The following DTNA variants were observed in gnomAD, a reference collection of about 807,000 sequenced individuals.
DTNA encodes the protein dystrophin-related protein 3.
Under a neutral mutation model 100.7 loss-of-function variants are expected in DTNA, and 43 were observed. The ratio of observed to expected loss-of-function variants is 0.43; its 90% confidence interval spans 0.33 to 0.55. The LOEUF is 0.55. Among genes scored for constraint, DTNA ranks in the 20% least tolerant of loss-of-function variants. The pLI is 0.04. For synonymous variants in DTNA, 349 were observed against 347.9 expected, an observed-to-expected ratio of 1.00 and a Z score of -0.04; for missense variants, 798 against 953.9, an observed-to-expected ratio of 0.84 and a Z score of 2.15.
At chr18:34,800,422 A>T (rs532718961) in intron 4 of DTNA, among the ~76,000 whole-genome samples, 1 of 152,316 alleles carries the variant, frequency 6.6e-6, no homozygotes, top group African/African-American at 2.4e-5. Flanking sequence ...GACAATGCTA[A>T]TCAATATTTA....
At chr18:34,549,244 G>A (rs549197063) in intron 1 of DTNA, among the ~76,000 whole-genome samples, 2 of 152,146 alleles carry the variant, frequency 1.3e-5, no homozygotes, top group East Asian at 1.9e-4. Flanking sequence ...AGAATCTCTC[G>A]AGAACATAAA....
At chr18:34,747,505 T>G (rs2091790024) in intron 1 of DTNA, among the ~76,000 whole-genome samples, 1 of 152,098 alleles carries the variant, frequency 6.6e-6, no homozygotes, top group Non-Finnish European at 1.5e-5. Flanking sequence ...ACCATCCTTC[T>G]CCTCTGAGTC....
At chr18:34,761,373 A>C (rs552352564) in intron 2 of DTNA, among the ~76,000 whole-genome samples, 2 of 152,118 alleles carry the variant, frequency 1.3e-5, no homozygotes, top group Non-Finnish European at 2.9e-5. Flanking sequence ...AAATTGTGTG[A>C]AAATGTTCAG....
chr18:34,864,566 T>C (rs996672181), intron 17 of DTNA, among the ~76,000 whole-genome samples: 4 of 152,228 alleles, frequency 2.6e-5, no homozygotes, highest in African/African-American at 9.6e-5. Context: ...AACACATTCT[T>C]ATCCATTCCT....
chr18:34,557,005 C>T (rs2046131470), intron 1 of DTNA, among the ~76,000 whole-genome samples: 1 of 149,634 alleles, frequency 6.7e-6, no homozygotes, highest in Non-Finnish European at 1.5e-5. Flanking sequence ...CTTTCAGGTA[C>T]ACCAATCAGA....
chr18:34,824,666 G>A (rs1239380880), intron 9 of DTNA, among the ~76,000 whole-genome samples: 5 of 151,968 alleles, frequency 3.3e-5, no homozygotes, highest in Non-Finnish European at 5.9e-5. Flanking sequence ...AAAATAATAA[G>A]TGGAAAATGC....
chr18:34,578,677 C>G (rs2146598692), intron 1 of DTNA, among the ~76,000 whole-genome samples: 1 of 152,288 alleles, frequency 6.6e-6, no homozygotes, highest in East Asian at 1.9e-4. Flanking sequence ...TTTCACTCTT[C>G]TACATGTGGC....
At chr18:34,606,563 T>G (rs996510582) in intron 1 of DTNA, among the ~76,000 whole-genome samples, 2 of 152,200 alleles carry the variant, frequency 1.3e-5, no homozygotes, top group African/African-American at 4.8e-5. Flanking sequence ...GCCAAGTCCC[T>G]GCCTTTGAGG....
chr18:34,764,493 T>A (rs1461169724), intron 2 of DTNA, among the ~76,000 whole-genome samples: 1 of 152,208 alleles, frequency 6.6e-6, no homozygotes, highest in East Asian at 1.9e-4. Flanking sequence ...TAGTTCCCCA[T>A]CTCTTTGATC....
intron 2 of DTNA, among the ~76,000 whole-genome samples, chr18:34,765,436 A>T (rs2093417476): frequency 6.6e-6 from 1 of 152,168 alleles, no homozygotes; most frequent in African/African-American, 2.4e-5. Flanking sequence ...TATCCTTACA[A>T]CAGTCCTGTG....
At chr18:34,577,930 A>AG (rs2048266752) in intron 1 of DTNA, among the ~76,000 whole-genome samples, 1 of 146,954 alleles carries the variant, frequency 6.8e-6, no homozygotes, top group Non-Finnish European at 1.5e-5. Flanking sequence ...TACATGTGCA[A>AG]GTTTTTTTTT....
chr18:34,675,260 A>G (rs2077263599), intron 1 of DTNA, among the ~76,000 whole-genome samples: 1 of 152,028 alleles, frequency 6.6e-6, no homozygotes. Flanking sequence ...ACAACCAAAA[A>G]TGTCTCCAAA....
At chr18:34,493,937 C>A (rs888080506) in intron 1 of DTNA, 1 of 147,540 alleles carries the variant, frequency 6.8e-6, no homozygotes, top group Non-Finnish European at 1.5e-5. Flanking sequence ...GGCGCCTCCC[C>A]GGGCGGCGGG....
At chr18:34,883,309 TTCC>T (rs1486956897) in intron 21 of DTNA, among the ~76,000 whole-genome samples, 4 of 152,206 alleles carry the variant, frequency 2.6e-5, no homozygotes, top group Non-Finnish European at 4.4e-5. Context: ...TTTTTCTTTT[TTCC>T]TTTTTTTTTT....
intron 1 of DTNA, chr18:34,679,461 G>A (rs1397165183): frequency 1.3e-5 from 2 of 152,132 alleles, no homozygotes; most frequent in East Asian, 1.9e-4. Context: ...CTACTTTCTC[G>A]TTGCAGATAA....
intron 22 of DTNA, among the ~76,000 whole-genome samples, chr18:34,885,935 G>A (rs1395827151): frequency 6.6e-6 from 1 of 152,180 alleles, no homozygotes; most frequent in African/African-American, 2.4e-5. Flanking sequence ...ACACTGTTCC[G>A]TAAGTCTAGA....
At chr18:34,834,260 C>T (rs910402483) in intron 11 of DTNA, among the ~76,000 whole-genome samples, 7 of 151,650 alleles carry the variant, frequency 4.6e-5, no homozygotes, top group Non-Finnish European at 1.0e-4. Context: ...CTTTGGGAGG[C>T]GACGGCAGGT....
intron 22 of DTNA, among the ~76,000 whole-genome samples, chr18:34,885,838 G>A (rs2096916823): frequency 6.6e-6 from 1 of 152,166 alleles, no homozygotes; most frequent in Admixed American, 6.5e-5. Flanking sequence ...GGAAACACTG[G>A]GACCCAGAAC....
At chr18:34,656,996 C>T (rs2074479313) in intron 1 of DTNA, among the ~76,000 whole-genome samples, 1 of 152,108 alleles carries the variant, frequency 6.6e-6, no homozygotes, top group Admixed American at 6.6e-5. Context: ...CATGCCTCAG[C>T]CTTCCGAGTA....
Sources: gnomAD v4.1 joint callset for allele counts (sites outside exome capture counted in the v4.1 genomes callset) on GRCh38, gnomAD v4.1.1 for gene constraint, MANE v1.5 for transcripts, NCBI Gene and HGNC (gene_info 2026-07-23, HGNC 2026-07-21) for gene names.